The following TRAPPC10 variants were observed in gnomAD, a reference collection of about 807,000 sequenced individuals.
TRAPPC10 encodes TRAPP 130 kDa subunit.
Under a neutral mutation model 125.5 loss-of-function variants are expected in TRAPPC10, and 23 were observed. That is an observed-to-expected ratio of 0.18 (90% confidence interval 0.13 to 0.26). The LOEUF (loss-of-function observed/expected upper bound fraction) is 0.26. Ranked by LOEUF, TRAPPC10 falls within the 10% of genes least tolerant of loss-of-function variation. The probability of loss-of-function intolerance (pLI) is 1.00; values close to 1 mark genes in which losing one functional copy is unlikely to be tolerated. For synonymous variants in TRAPPC10, 509 were observed against 518.0 expected (o/e 0.98, Z 0.24); for missense variants, 1,123 against 1,308.4 (o/e 0.86, Z 2.19).
chr21:44,017,223 C>G (rs1406774929), intron 1 of TRAPPC10, among the ~76,000 whole-genome samples: 1 of 152,162 alleles, frequency 6.6e-6, no homozygotes, highest in Non-Finnish European at 1.5e-5. Context: ...ACTAAAGGCA[C>G]CAACAAATGT....
intron 1 of TRAPPC10, among the ~76,000 whole-genome samples, chr21:44,027,029 T>G (rs1375540145): frequency 2.0e-5 from 3 of 152,224 alleles, no homozygotes; most frequent in Non-Finnish European, 4.4e-5. Flanking sequence ...GTTAACAGGT[T>G]GAAACACTCC....
intron 6 of TRAPPC10, among the ~76,000 whole-genome samples, chr21:44,061,264 GT>G (rs2036032279): frequency 6.6e-6 from 1 of 152,106 alleles, no homozygotes; most frequent in Non-Finnish European, 1.5e-5. Flanking sequence ...AGCCTCCTGA[GT>G]AGCTGCGACT....
At position 44,074,352 on chromosome 21, in the gene TRAPPC10, G is replaced by C; in HGVS notation, c.1067G>C (p.Cys356Ser). Reference protein sequence around the residue: ...EVSVPPGALDCWVFLSCLEVL... With the variant: ...EVSVPPGALDSWVFLSCLEVL... ...TCTGTCCCACCTGGTGCTCTGGACT[G>C]CTGGGTGTTTCTGAGCTGTCTGGAG... is the stretch of plus-strand genomic sequence containing the variant. Residue 356 changes from cysteine to serine, a missense_variant, in exon 8 of 23, where the codon TGC becomes TCC. Coordinates refer to ENST00000291574, the MANE Select transcript of TRAPPC10 (RefSeq NM_003274.5). The C allele has an allele frequency of 1.2e-6, 2 of 1,614,198 alleles. No individual in the cohort carries two copies. The highest frequency in any genetic ancestry group is 1.7e-6 in the Non-Finnish European group (2 of 1,180,034).
intron 1 of TRAPPC10, among the ~76,000 whole-genome samples, chr21:44,031,121 C>T (rs1222075118): frequency 6.6e-6 from 1 of 152,196 alleles, no homozygotes; most frequent in Non-Finnish European, 1.5e-5. Flanking sequence ...ATGTCATTAC[C>T]CTTCCTCAGT....
At chr21:44,078,249 T>G (rs1394006000) in intron 11 of TRAPPC10, among the ~76,000 whole-genome samples, 1 of 152,098 alleles carries the variant, frequency 6.6e-6, no homozygotes, top group Admixed American at 6.6e-5. Flanking sequence ...GTACAAAGAC[T>G]GCAGGGTTTC....
chr21:44,058,934 T>C (rs1009450804), intron 5 of TRAPPC10, among the ~76,000 whole-genome samples, 169 bp from the exon 6 acceptor site: 1 of 152,258 alleles, frequency 6.6e-6, no homozygotes. Flanking sequence ...TTCTTGTGCA[T>C]GCGTGAATGT....
intron 5 of TRAPPC10, among the ~76,000 whole-genome samples, chr21:44,056,151 A>C (rs969015642): frequency 3.3e-5 from 5 of 152,208 alleles, no homozygotes; most frequent in Non-Finnish European, 7.3e-5. Flanking sequence ...GACAGAATAA[A>C]TAAGGATAGA....
At chr21:44,094,783 C>CT (rs2146229070) in intron 20 of TRAPPC10, among the ~76,000 whole-genome samples, 1 of 150,322 alleles carries the variant, frequency 6.7e-6, no homozygotes, top group African/African-American at 2.5e-5. Context: ...GATGATTTGA[C>CT]TTAATGTTTT....
chr21:44,079,982 A>T, intron 12 of TRAPPC10, 33 bp from the exon 13 acceptor site: 1 of 1,583,910 alleles, frequency 6.3e-7, no homozygotes. Flanking sequence ...CCTAAGTATG[A>T]GCCTCTCCAC....
chr21:44,021,723 A>G (rs545397541), intron 1 of TRAPPC10, among the ~76,000 whole-genome samples: 5 of 152,204 alleles, frequency 3.3e-5, no homozygotes, highest in Non-Finnish European at 7.3e-5. Context: ...TTTGAGAAGT[A>G]CCAGGGCTAG....
intron 1 of TRAPPC10, among the ~76,000 whole-genome samples, chr21:44,014,881 A>G (rs2031642767): frequency 1.3e-5 from 2 of 152,156 alleles, no homozygotes; most frequent in Non-Finnish European, 2.9e-5. Context: ...GAAGGTAAAA[A>G]GCTGACTTCA....
At chr21:44,095,706 G>T (rs139597236) in intron 20 of TRAPPC10, among the ~76,000 whole-genome samples, 1 of 151,446 alleles carries the variant, frequency 6.6e-6, no homozygotes, top group Non-Finnish European at 1.5e-5. Flanking sequence ...TGGGATAACA[G>T]GCATGTGCTG....
Position 44,074,464 on chromosome 21 carries a change from A to G in TRAPPC10, c.1179A>G (p.Thr393=). The G allele has an allele frequency of 6.2e-7, 1 of 1,614,214 alleles. No homozygotes were observed. The highest frequency in any genetic ancestry group is 8.5e-7 in the Non-Finnish European group (1 of 1,180,028). The change falls in exon 8 of 23, where the codon ACA becomes ACG. Residue 393 remains threonine (T), a synonymous_variant. Transcript: ENST00000291574. ...CTGTGGGGCTATGGAGCTATGCCAC[A>G]GAAAAGGTGCCTACCTGCCCAAGTG... The part of the protein sequence containing the change: ...AHTVGLWSYA[T]EKLKSLGYLC...
intron 7 of TRAPPC10, among the ~76,000 whole-genome samples, chr21:44,064,395 A>G (rs1294275519): frequency 6.6e-6 from 1 of 152,050 alleles, no homozygotes; most frequent in Non-Finnish European, 1.5e-5. Context: ...TCACCCAAGC[A>G]CTGAACTCTT....
intron 3 of TRAPPC10, among the ~76,000 whole-genome samples, chr21:44,044,186 A>G (rs968433018): frequency 6.6e-6 from 1 of 152,176 alleles, no homozygotes; most frequent in Middle Eastern, 3.4e-3. Flanking sequence ...TGTGGTATGT[A>G]TGTTTTTCCA....
In TRAPPC10 at chr21:44,052,343, G is replaced by T; in HGVS notation, c.349G>T (p.Ala117Ser). ...DLTKWQNVLK[A>S]HSSVDWLIVI... The stretch of plus-strand genomic sequence containing the variant: ...CACCAAGTGGCAGAATGTTCTGAAG[G>T]CTCATAGCTCTGTGGACTGGTTAAT... Residue 117 changes from alanine (A) to serine (S), a missense_variant, in exon 4 of 23, where the codon GCT becomes TCT. Coordinates refer to ENST00000291574, the MANE Select transcript of TRAPPC10 (RefSeq NM_003274.5). 6.2e-7 allele frequency: 1 copy of T among 1,612,810 alleles called. No individual in the cohort carries two copies. Among genetic ancestry groups the T allele is most frequent in the Non-Finnish European group, 8.5e-7 (1 of 1,179,700 alleles).
chr21:44,081,017 C>CT (rs67865929), intron 13 of TRAPPC10, among the ~76,000 whole-genome samples: 1,224 of 97,216 alleles, frequency 0.013, 26 homozygotes, highest in Non-Finnish European at 0.018. Context: ...TTTTTTTTTT[C>CT]TTTTTTTTTT....
At chr21:44,084,090 G>C in intron 14 of TRAPPC10, 32 bp from the exon 15 acceptor site, 2 of 1,612,580 alleles carry the variant, frequency 1.2e-6, no homozygotes, top group South Asian at 1.1e-5. Context: ...ACTGGGTGAC[G>C]TGGTTTCAAA....
At position 44,083,289 on chromosome 21, in the gene TRAPPC10, C is replaced by G. The variant is rs376395760; in HGVS notation, c.2225C>G (p.Thr742Arg). 2.5e-6 allele frequency: 4 copies of G among 1,613,490 alleles called. No homozygotes were observed. The African/African-American group carries it at 5.3e-5, about 22-fold the overall frequency. The change falls in exon 14 of 23, where the codon ACA (threonine) becomes AGA (arginine). Residue 742 changes from threonine to arginine, a missense_variant. By Grantham distance (71) the Thr-to-Arg change is moderately conservative (BLOSUM62 -1). Transcript: ENST00000291574. ...VTLEPGANQI[T>R]FRTQAKEPGT... ...CTGGAACCAGGGGCCAACCAGATAA[C>G]ATTCAGGACTCAGGTATGCGTTCAG...
Sources: allele counts gnomAD v4.1 joint callset (sites outside exome capture counted in the v4.1 genomes callset), GRCh38; gene constraint gnomAD v4.1.1; transcripts MANE v1.5; gene names NCBI Gene and HGNC (gene_info 2026-07-23, HGNC 2026-07-21).